Variants in KPNA1 observed in about 807,000 individuals in gnomAD.
KPNA1 encodes karyopherin subunit alpha 1.
A neutral mutation model predicts 70.5 loss-of-function variants in KPNA1; 10 were observed. The observed-to-expected ratio is 0.14, with a 90% CI of 0.09 to 0.24. The LOEUF is 0.24. Among genes scored for constraint, KPNA1 ranks in the 10% least tolerant of loss-of-function variants. KPNA1 has a pLI of 1.00. For synonymous variants in KPNA1, 192 were observed against 221.9 expected, an observed-to-expected ratio of 0.87 and a Z score of 1.20; for missense variants, 397 against 637.9, an observed-to-expected ratio of 0.62 and a Z score of 4.07.
At chr3:122,467,508 C>T (rs2076394840) in intron 2 of KPNA1, 79 bp from the exon 3 acceptor site, 1 of 752,420 alleles carries the variant, frequency 1.3e-6, no homozygotes, top group Non-Finnish European at 2.2e-6. Flanking sequence ...CTAGGCACCC[C>T]ATTCAAAGTG....
intron 10 of KPNA1, among the ~76,000 whole-genome samples, 159 bp from the exon 11 acceptor site, chr3:122,437,454 A>T (rs971261040): frequency 2.0e-5 from 3 of 152,250 alleles, no homozygotes; most frequent in African/African-American, 7.2e-5. Flanking sequence ...GTTAATAAGA[A>T]TTAGTTTCTA....
At chr3:122,481,720 C>T (rs1162603003) in intron 2 of KPNA1, among the ~76,000 whole-genome samples, 1 of 152,192 alleles carries the variant, frequency 6.6e-6, no homozygotes, top group African/African-American at 2.4e-5. Context: ...CCAATGCTAG[C>T]TAACAGAAAG....
chr3:122,479,335 G>A (rs1268782814), intron 2 of KPNA1, among the ~76,000 whole-genome samples: 1 of 152,168 alleles, frequency 6.6e-6, no homozygotes, highest in Non-Finnish European at 1.5e-5. Flanking sequence ...TATCAGAATG[G>A]CCAAAATCCA....
intron 2 of KPNA1, among the ~76,000 whole-genome samples, chr3:122,485,046 T>G (rs1225124175): frequency 6.6e-6 from 1 of 152,058 alleles, no homozygotes; most frequent in Admixed American, 6.6e-5. Context: ...TATAGGTGCA[T>G]GCTAATTAGT....
chr3:122,469,332 C>T (rs2076416205), intron 2 of KPNA1, among the ~76,000 whole-genome samples: 1 of 152,006 alleles, frequency 6.6e-6, no homozygotes, highest in African/African-American at 2.4e-5. Flanking sequence ...GAGCAGGAGA[C>T]AAGATAAGGG....
chr3:122,506,869 G>C (rs1358026403), intron 1 of KPNA1, among the ~76,000 whole-genome samples: 1 of 152,170 alleles, frequency 6.6e-6, no homozygotes, highest in African/African-American at 2.4e-5. Context: ...ATCTGTCAAG[G>C]ATCTGGAGAA....
At chr3:122,509,416 A>G (rs962864395) in intron 1 of KPNA1, among the ~76,000 whole-genome samples, 1 of 152,200 alleles carries the variant, frequency 6.6e-6, no homozygotes, top group Non-Finnish European at 1.5e-5. Flanking sequence ...ATAATAATGT[A>G]CAAGAGTATA....
chr3:122,461,333 A>C lies in KPNA1; in HGVS notation c.338-15T>G. On this transcript the variant is annotated splice_polypyrimidine_tract_variant and intron_variant, in intron 4 of 13. Transcript: ENST00000344337. ...AGGGTTAGGTTCTGTTTCCCCATAA[A>C]ATAAAAGAAAAAAAAAATCCTTTGA... is the stretch of plus-strand genomic sequence containing the variant. 6.4e-7 allele frequency: 1 copy of C among 1,556,984 alleles called. No individual in the cohort carries two copies. The highest frequency in any genetic ancestry group is 8.8e-7 in the Non-Finnish European group (1 of 1,139,122).
At chr3:122,435,906 A>G (rs1349343853) in intron 11 of KPNA1, among the ~76,000 whole-genome samples, 1 of 152,224 alleles carries the variant, frequency 6.6e-6, no homozygotes, top group Non-Finnish European at 1.5e-5. Flanking sequence ...GGGCACCTTG[A>G]AAAAAGAAGA....
rs1039695065 is a variant in KPNA1, at chr3:122,424,107, T to C, written c.*2878A>G. On this transcript the variant is annotated 3_prime_UTR_variant, in exon 14 of 14. Coordinates refer to ENST00000344337, the MANE Select transcript of KPNA1 (RefSeq NM_002264.4). ...CATCCAAAATTCTCTTAATGCTTTT[T>C]TTCCCCCACCAAAGTTCTCATTACA... 3 of 152,180 alleles carry C rather than the reference T, an allele frequency of 2.0e-5. No individual in the cohort carries two copies. Among genetic ancestry groups the C allele is most frequent in the Non-Finnish European group, 4.4e-5 (3 of 68,028 alleles). The allele number at this position is 152,180 out of a possible 1,614,324, so 9.4% of individuals were successfully genotyped here.
chr3:122,445,329 A>G (rs2076122984), intron 9 of KPNA1, among the ~76,000 whole-genome samples: 1 of 152,244 alleles, frequency 6.6e-6, no homozygotes, highest in South Asian at 2.1e-4. Context: ...AATTAATGAA[A>G]TAAAGTGTGA....
Position 122,452,649 on chromosome 3 carries a change from G to A in KPNA1, c.565-585C>T, listed in dbSNP as rs569241529. 2.3e-3 allele frequency among the ~76,000 whole-genome samples: 270 copies of A among 118,652 alleles called. 1 individual carries two copies. The highest frequency in any genetic ancestry group is 4.5e-3 in the Middle Eastern group (1 of 224). The allele number at this position is 118,652 out of a possible 152,430, so 77.8% of individuals were successfully genotyped here. A position where few individuals can be genotyped will look rare whatever the true frequency, so the allele number is the denominator to read the frequency against. ...GAGGGAGGGAGGAGAGAGGGAGGGAGGGAGGGAGGGAGGAAGCAAGAGAAG... is the reference window on the plus strand; with the variant it reads ...GAGGGAGGGAGGAGAGAGGGAGGGAAGGAGGGAGGGAGGAAGCAAGAGAAG... On this transcript the variant is annotated intron_variant, in intron 6 of 13. Coordinates refer to ENST00000344337, the MANE Select transcript of KPNA1 (RefSeq NM_002264.4).
intron 12 of KPNA1, among the ~76,000 whole-genome samples, chr3:122,428,329 A>C (rs1013273877): frequency 6.6e-6 from 1 of 152,188 alleles, no homozygotes; most frequent in Non-Finnish European, 1.5e-5. Context: ...CTGGTTTCTC[A>C]AGTTGAGTAC....
chr3:122,433,908 A>T, intron 11 of KPNA1, 120 bp from the exon 12 acceptor site: 2 of 766,988 alleles, frequency 2.6e-6, no homozygotes, highest in Non-Finnish European at 4.0e-6. Flanking sequence ...TCAGAAATAA[A>T]TTGAAAAGAG....
intron 10 of KPNA1, among the ~76,000 whole-genome samples, chr3:122,438,248 C>T (rs1301140926): frequency 1.3e-5 from 2 of 152,198 alleles, no homozygotes; most frequent in South Asian, 4.1e-4. Context: ...GCTTTCTCTT[C>T]ACCTTCCACC....
chr3:122,442,517 G>A (rs62271978), intron 9 of KPNA1, among the ~76,000 whole-genome samples: 10,462 of 152,060 alleles, frequency 0.069, 490 homozygotes, highest in Admixed American at 0.12. Flanking sequence ...ATTTTCAGAC[G>A]TAAAAGTGAC....
intron 4 of KPNA1, among the ~76,000 whole-genome samples, chr3:122,463,279 C>T (rs569769004): frequency 6.0e-5 from 9 of 151,244 alleles, no homozygotes; most frequent in South Asian, 2.1e-4. Flanking sequence ...ACCCGGGAGG[C>T]GGCGCTTGCA....
intron 5 of KPNA1, among the ~76,000 whole-genome samples, 163 bp downstream of exon 5, chr3:122,461,061 G>A (rs2076318682): frequency 6.6e-6 from 1 of 152,062 alleles, no homozygotes; most frequent in Non-Finnish European, 1.5e-5. Context: ...AGGCCTACAT[G>A]TTAACAAAGC....
chr3:122,476,861 C>CAAAAAAAAAAAAAAAA lies in KPNA1; in HGVS notation c.130-9448_130-9433dup, dbSNP rs144118691. ...TATGAAAAACAGTATGGAGGTTCCACAAAAAAAAAAAAAAAAAAAAAAACT... is the reference window on the plus strand; with the variant it reads ...TATGAAAAACAGTATGGAGGTTCCACAAAAAAAAAAAAAAAAAAAAAAAAAAAAAAAAAAAAAAACT... On this transcript the variant is annotated intron_variant, in intron 2 of 13. Coordinates refer to ENST00000344337, the MANE Select transcript of KPNA1 (RefSeq NM_002264.4). 1.9e-3 allele frequency among the ~76,000 whole-genome samples: 124 copies of CAAAAAAAAAAAAAAAA among 65,442 alleles called. 4 individuals carry two copies. Among genetic ancestry groups the CAAAAAAAAAAAAAAAA allele is most frequent in the Middle Eastern group, 0.011 (1 of 90 alleles). 42.9% of individuals were successfully genotyped at this position (65,442 alleles called of 152,430 possible). A position where few individuals can be genotyped will look rare whatever the true frequency, so the allele number is the denominator to read the frequency against.
Sources: gnomAD v4.1 joint callset for allele counts (sites outside exome capture counted in the v4.1 genomes callset) on GRCh38, gnomAD v4.1.1 for gene constraint, MANE v1.5 for transcripts, NCBI Gene and HGNC (gene_info 2026-07-23, HGNC 2026-07-21) for gene names.